The following USP34 variants were observed in gnomAD, a reference collection of about 807,000 sequenced individuals.
USP34 encodes the protein ubiquitin carboxyl-terminal hydrolase 34.
Under a neutral mutation model 460.3 loss-of-function variants are expected in USP34, and 70 were observed. The ratio of observed to expected loss-of-function variants is 0.15; its 90% CI spans 0.13 to 0.19. The LOEUF (loss-of-function observed/expected upper bound fraction) is 0.19, where lower values mean the gene tolerates loss of function less well. USP34 is among the 10% of genes least tolerant of loss of function. The probability of loss-of-function intolerance (pLI) is 1.00; values close to 1 mark genes in which losing one functional copy is unlikely to be tolerated. For synonymous variants in USP34, 1,647 were observed against 1,405.3 expected, an observed-to-expected ratio of 1.17 and a Z score of -3.85; for missense variants, 3,985 against 4,236.2, an observed-to-expected ratio of 0.94 and a Z score of 1.65.
intron 1 of USP34, among the ~76,000 whole-genome samples, chr2:61,464,649 G>A (rs1444554690): frequency 1.1e-4 from 17 of 149,746 alleles, no homozygotes; most frequent in African/African-American, 2.0e-4. Flanking sequence ...CCCAGGAGGC[G>A]GAGGTTGCAG....
chr2:61,279,002 T>C lies in USP34; in HGVS notation c.5257-559A>G, dbSNP rs148728338. On this transcript the variant is annotated intron_variant, in intron 39 of 79. Coordinates refer to ENST00000398571, the MANE Select transcript of USP34 (RefSeq NM_014709.4). ...CAGACTTCACAAAATCTAACTTGAG[T>C]CCCCTCAAAGAAACCCAAATCTCTA... Among the ~76,000 whole-genome samples, 945 of 151,784 alleles carry C rather than the reference T, an allele frequency of 6.2e-3. 8 individuals are homozygous for C. Among genetic ancestry groups the C allele is most frequent in the African/African-American group, 0.021 (889 of 41,440 alleles).
At chr2:61,261,293 G>A (rs1190183788) in intron 43 of USP34, among the ~76,000 whole-genome samples, 3 of 152,172 alleles carry the variant, frequency 2.0e-5, no homozygotes, top group East Asian at 3.9e-4. Context: ...AATAAAATGT[G>A]GTAAATACAA....
intron 58 of USP34, 51 bp from the exon 59 acceptor site, chr2:61,229,684 G>T (rs1307462866): frequency 2.0e-6 from 3 of 1,484,442 alleles, no homozygotes; most frequent in Non-Finnish European, 2.8e-6. Flanking sequence ...AGGTAACAAA[G>T]ATTTGAAAAA....
rs1687134346 is a variant in USP34, at chr2:61,206,886, A to C, written c.8920T>G (p.Ser2974Ala). 6.2e-7 allele frequency: 1 copy of C among 1,605,704 alleles called. No homozygotes were observed. The change falls in exon 71 of 80, where the codon TCT becomes GCT. Residue 2974 changes from serine (S) to alanine (A), a missense_variant and splice_region_variant. Transcript: ENST00000398571. ...FNRGLILMTE[S>A]FNTLHMMYHE... ...TACATCATGTGCAAAGTGTTGAAAG[A>C]CTACAAATGATTTGAAAAAATTGAA...
chr2:61,435,291 G>C (rs1416781861), intron 1 of USP34, among the ~76,000 whole-genome samples: 2 of 107,226 alleles, frequency 1.9e-5, no homozygotes, highest in African/African-American at 7.5e-5. Flanking sequence ...CTGGGCAACA[G>C]AGTGAGACCT....
chr2:61,208,849 G>C (rs766010543), intron 70 of USP34, 50 bp downstream of exon 70: 37 of 1,367,174 alleles, frequency 2.7e-5, no homozygotes, highest in Non-Finnish European at 3.1e-5. Flanking sequence ...GTCTTGGTGA[G>C]AACATTAAAA....
At chr2:61,332,631 T>C (rs917936912) in intron 19 of USP34, among the ~76,000 whole-genome samples, 1 of 151,988 alleles carries the variant, frequency 6.6e-6, no homozygotes, top group African/African-American at 2.4e-5. Context: ...CATTAGAATT[T>C]TGAAATTCAG....
chr2:61,234,443 A>G (rs1688004081), intron 57 of USP34, among the ~76,000 whole-genome samples: 1 of 152,172 alleles, frequency 6.6e-6, no homozygotes, highest in South Asian at 2.1e-4. Context: ...GGGGATGGAG[A>G]GAGAAAACCA....
intron 1 of USP34, among the ~76,000 whole-genome samples, chr2:61,458,270 G>C (rs936968292): frequency 6.6e-6 from 1 of 151,930 alleles, no homozygotes; most frequent in African/African-American, 2.4e-5. Flanking sequence ...GCATAAGAAG[G>C]TATATACAGG....
rs1691816920 is a variant in USP34, at chr2:61,347,795, T to C, written c.2285+75A>G. 6.4e-6 allele frequency: 10 copies of C among 1,551,606 alleles called. No homozygotes were observed. The Admixed American group carries it at 7.4e-5, about 12-fold the overall frequency. On this transcript the variant is annotated intron_variant, in intron 15 of 79. Coordinates refer to ENST00000398571, the MANE Select transcript of USP34 (RefSeq NM_014709.4). ...ATGAATAGCACTAATACAGAATAAA[T>C]TGCAAATTGAATATAGGATATAATA...
intron 48 of USP34, among the ~76,000 whole-genome samples, chr2:61,253,114 T>A (rs186447251): frequency 1.3e-5 from 2 of 152,302 alleles, no homozygotes; most frequent in East Asian, 3.9e-4. Flanking sequence ...AATAAGCACT[T>A]TGTTCACTTC....
chr2:61,304,121 C>T (rs1290528249), intron 27 of USP34, among the ~76,000 whole-genome samples: 2 of 152,158 alleles, frequency 1.3e-5, no homozygotes, highest in Non-Finnish European at 2.9e-5. Context: ...TGGTCTCGAC[C>T]TCCTGACCGC....
chr2:61,436,828 A>G (rs1694827390), intron 1 of USP34, among the ~76,000 whole-genome samples: 1 of 152,224 alleles, frequency 6.6e-6, no homozygotes, highest in African/African-American at 2.4e-5. Flanking sequence ...TAACTGAAAA[A>G]ATCATGTCAG....
At chr2:61,342,369 C>G (rs1231085933) in intron 16 of USP34, among the ~76,000 whole-genome samples, 1 of 142,188 alleles carries the variant, frequency 7.0e-6, no homozygotes, top group Non-Finnish European at 1.5e-5. Flanking sequence ...GGCGTGATCT[C>G]GGCTCACTGC....
chr2:61,270,620 G>C (rs545667130), intron 41 of USP34, among the ~76,000 whole-genome samples: 1 of 152,108 alleles, frequency 6.6e-6, no homozygotes, highest in African/African-American at 2.4e-5. Flanking sequence ...ATTTTTAGTA[G>C]AGACTGGGTT....
intron 12 of USP34, among the ~76,000 whole-genome samples, chr2:61,349,861 A>G (rs1464122783): frequency 6.6e-6 from 1 of 151,800 alleles, no homozygotes; most frequent in Non-Finnish European, 1.5e-5. Flanking sequence ...AACAACAACA[A>G]CAACAACAAA....
intron 8 of USP34, among the ~76,000 whole-genome samples, chr2:61,371,026 C>T (rs913136289): frequency 3.9e-5 from 6 of 152,138 alleles, no homozygotes; most frequent in Non-Finnish European, 7.4e-5. Context: ...TGTAAGTCTC[C>T]TGGCTGATAC....
chr2:61,356,930 C>G (rs1277372235), intron 10 of USP34, among the ~76,000 whole-genome samples: 1 of 151,938 alleles, frequency 6.6e-6, no homozygotes, highest in Non-Finnish European at 1.5e-5. Context: ...ATACAAGATT[C>G]AAAATACCAA....
At chr2:61,445,716 G>A (rs1471708779) in intron 1 of USP34, among the ~76,000 whole-genome samples, 1 of 152,062 alleles carries the variant, frequency 6.6e-6, no homozygotes, top group African/African-American at 2.4e-5. Context: ...CCAGCACTTT[G>A]GGAGGCCAAG....
Sources: allele counts gnomAD v4.1 joint callset (sites outside exome capture counted in the v4.1 genomes callset), GRCh38; gene constraint gnomAD v4.1.1; transcripts MANE v1.5; gene names NCBI Gene and HGNC (gene_info 2026-07-23, HGNC 2026-07-21).